HDAC4: variants seen among roughly 807,000 people sequenced by gnomAD.
HDAC4 encodes histone deacetylase 4.
A neutral mutation model predicts 135.1 loss-of-function variants in HDAC4; 16 were observed. That is an observed-to-expected ratio of 0.12 (90% confidence interval 0.08 to 0.18). HDAC4 has a LOEUF of 0.18. Among genes scored for constraint, HDAC4 ranks in the 10% least tolerant of loss-of-function variants. The probability of loss-of-function intolerance (pLI) is 1.00; values close to 1 mark genes in which losing one functional copy is unlikely to be tolerated. For synonymous variants in HDAC4, 685 were observed against 653.4 expected (o/e 1.05, Z -0.74); for missense variants, 1,143 against 1,511.8 (o/e 0.76, Z 4.05).
At chr2:239,298,717 G>A (rs766253286) in intron 2 of HDAC4, 6 of 638,944 alleles carry the variant, frequency 9.4e-6, no homozygotes, top group Non-Finnish European at 1.2e-5. Flanking sequence ...ACCTACAGGG[G>A]CTAGGCTAGA....
intron 14 of HDAC4, among the ~76,000 whole-genome samples, chr2:239,109,605 C>A (rs1375998509): frequency 2.7e-5 from 2 of 73,676 alleles, no homozygotes; most frequent in East Asian, 5.0e-4. Flanking sequence ...GATGGGACTT[C>A]TGGTAAAAAA....
At chr2:239,318,255 C>T (rs1267399940) in intron 2 of HDAC4, among the ~76,000 whole-genome samples, 1 of 152,232 alleles carries the variant, frequency 6.6e-6, no homozygotes, top group African/African-American at 2.4e-5. Flanking sequence ...CGGGCAGCAT[C>T]AGCAGCAACG....
At chr2:239,354,460 G>A (rs574131208) in intron 1 of HDAC4, among the ~76,000 whole-genome samples, 2 of 152,054 alleles carry the variant, frequency 1.3e-5, no homozygotes, top group South Asian at 2.1e-4. Flanking sequence ...CTACCACTGA[G>A]AGTCCCTGGC....
intron 20 of HDAC4, among the ~76,000 whole-genome samples, chr2:239,082,621 G>A (rs1342436353): frequency 1.3e-5 from 2 of 152,248 alleles, no homozygotes; most frequent in African/African-American, 2.4e-5. Context: ...CCTCTGTCAG[G>A]AAGGAGGTCA....
intron 2 of HDAC4, among the ~76,000 whole-genome samples, chr2:239,344,882 T>G (rs565071851): frequency 2.0e-5 from 3 of 151,964 alleles, no homozygotes; most frequent in Admixed American, 6.6e-5. Flanking sequence ...TGGTCTACTC[T>G]CCCACGTTCT....
intron 2 of HDAC4, among the ~76,000 whole-genome samples, chr2:239,300,882 G>T (rs778237092): frequency 1.3e-3 from 193 of 152,368 alleles, no homozygotes; most frequent in Non-Finnish European, 2.3e-3. Context: ...TCGTGTCCAC[G>T]CAGTGCCAGG....
chr2:239,318,665 C>T (rs2053200411), intron 2 of HDAC4, among the ~76,000 whole-genome samples: 2 of 144,954 alleles, frequency 1.4e-5, no homozygotes, highest in Admixed American at 1.4e-4. Flanking sequence ...TCACATCTAA[C>T]ACTAACTTTC....
At chr2:239,371,445 A>T (rs1694609388) in intron 1 of HDAC4, among the ~76,000 whole-genome samples, 1 of 152,054 alleles carries the variant, frequency 6.6e-6, no homozygotes, top group Non-Finnish European at 1.5e-5. Flanking sequence ...ACATTCAATC[A>T]CACTTGCACA....
chr2:239,317,582 A>G (rs1194440380), intron 2 of HDAC4, among the ~76,000 whole-genome samples: 1 of 152,220 alleles, frequency 6.6e-6, no homozygotes, highest in Non-Finnish European at 1.5e-5. Context: ...TTTGGGCAGC[A>G]GAATAGATAT....
At chr2:239,119,516 A>G (rs750253661) in intron 12 of HDAC4, among the ~76,000 whole-genome samples, 2 of 146,562 alleles carry the variant, frequency 1.4e-5, no homozygotes, top group Non-Finnish European at 3.0e-5. Flanking sequence ...CGCGGGGACC[A>G]GAGCTCAGAG....
At chr2:239,291,275 G>C (rs1310629233) in intron 2 of HDAC4, among the ~76,000 whole-genome samples, 1 of 152,246 alleles carries the variant, frequency 6.6e-6, no homozygotes, top group Non-Finnish European at 1.5e-5. Context: ...CGCCTGCCAG[G>C]GCTGGCCCGG....
At chr2:239,060,532 T>C (rs1352332531) in intron 24 of HDAC4, among the ~76,000 whole-genome samples, 2 of 152,228 alleles carry the variant, frequency 1.3e-5, no homozygotes, top group African/African-American at 4.8e-5. Flanking sequence ...GAAGGGACCC[T>C]GGAGCCCTGC....
intron 17 of HDAC4, among the ~76,000 whole-genome samples, chr2:239,090,674 T>C (rs890200804): frequency 2.0e-5 from 3 of 152,076 alleles, no homozygotes; most frequent in Admixed American, 1.3e-4. Flanking sequence ...TGGAAACTTT[T>C]TGAGCGCTTA....
chr2:239,382,257 ATTCT>A (rs1236342078), intron 1 of HDAC4, among the ~76,000 whole-genome samples: 2 of 152,228 alleles, frequency 1.3e-5, no homozygotes, highest in African/African-American at 4.8e-5. Flanking sequence ...GAATTAATGG[ATTCT>A]TTATTTGCGT....
rs188535499 is a variant in HDAC4, at chr2:239,141,791, C to T, written c.866-1995G>A. Among the ~76,000 whole-genome samples, 2 of 152,114 alleles carry T rather than the reference C, an allele frequency of 1.3e-5. No homozygotes were observed. The highest frequency in any genetic ancestry group is 2.9e-5 in the Non-Finnish European group (2 of 68,018). On this transcript the variant is annotated intron_variant, in intron 8 of 26. Coordinates refer to ENST00000543185, the MANE Select transcript of HDAC4 (RefSeq NM_001378414.1). This position sits in a 1 kb window ranked among gnomAD's most constrained non-coding sequence, Gnocchi z 4.9. ...GGGGAGTCCGGACAACTTTTTGGGG[C>T]GGTAAAAATTATATGTGTAACTTTC...
intron 3 of HDAC4, among the ~76,000 whole-genome samples, chr2:239,229,002 C>A (rs185975767): frequency 2.6e-5 from 4 of 152,084 alleles, no homozygotes; most frequent in African/African-American, 9.6e-5. Context: ...ACTAGCCGGG[C>A]GTGGTGGCGG....
chr2:239,317,972 GT>G (rs1267430161), intron 2 of HDAC4, among the ~76,000 whole-genome samples: 2 of 149,298 alleles, frequency 1.3e-5, no homozygotes, highest in African/African-American at 5.1e-5. Flanking sequence ...TTAAAAGTCA[GT>G]TTCCAAGAAC....
At chr2:239,359,687 T>C in intron 1 of HDAC4, among the ~76,000 whole-genome samples, 1 of 152,190 alleles carries the variant, frequency 6.6e-6, no homozygotes, top group East Asian at 1.9e-4. Flanking sequence ...CATTCCCTGG[T>C]GCCTCTGGTG....
chr2:239,287,985 A>G (rs554991943), intron 2 of HDAC4, among the ~76,000 whole-genome samples: 2 of 152,098 alleles, frequency 1.3e-5, no homozygotes, highest in South Asian at 4.2e-4. Flanking sequence ...GGAAATATGA[A>G]CCCCAAATAG....
Sources: gnomAD v4.1 joint callset for allele counts (sites outside exome capture counted in the v4.1 genomes callset) on GRCh38, gnomAD v4.1.1 for gene constraint, Gnocchi (gnomAD v3.1) non-coding constraint, MANE v1.5 for transcripts, NCBI Gene and HGNC (gene_info 2026-07-23, HGNC 2026-07-21) for gene names.